Variants in NSD3 observed in about 807,000 individuals in gnomAD.
The protein encoded by NSD3 is histone-lysine N-methyltransferase NSD3.
NSD3 carries 24 observed loss-of-function variants against 160.8 expected under a neutral mutation model. The observed-to-expected ratio is 0.15, with a 90% CI of 0.11 to 0.21. The LOEUF is 0.21. Ranked by LOEUF, NSD3 falls within the 10% of genes least tolerant of loss-of-function variation. NSD3 has a pLI of 1.00. For missense variants in NSD3, 1,157 were observed against 1,735.9 expected (o/e 0.67, Z 5.93); for synonymous variants, 520 against 600.0 (o/e 0.87, Z 1.95).
chr8:38,350,744 T>C (rs1810671164), intron 1 of NSD3, among the ~76,000 whole-genome samples: 1 of 152,160 alleles, frequency 6.6e-6, no homozygotes, highest in Non-Finnish European at 1.5e-5. Context: ...ATATTCTTGG[T>C]TAGATCATTG....
At chr8:38,363,581 G>C (rs1811037215) in intron 1 of NSD3, among the ~76,000 whole-genome samples, 1 of 145,826 alleles carries the variant, frequency 6.9e-6, no homozygotes, top group South Asian at 2.2e-4. Flanking sequence ...GGCAGAGGTT[G>C]CCATGAGCTG....
At chr8:38,343,087 C>G (rs1810417998) in intron 2 of NSD3, among the ~76,000 whole-genome samples, 2 of 151,270 alleles carry the variant, frequency 1.3e-5, no homozygotes, top group Admixed American at 1.3e-4. Flanking sequence ...TTCCAGCTAC[C>G]TGGGGGGCTG....
intron 2 of NSD3, among the ~76,000 whole-genome samples, chr8:38,339,072 G>A (rs1331483538): frequency 1.3e-5 from 2 of 151,204 alleles, no homozygotes; most frequent in Non-Finnish European, 3.0e-5. Flanking sequence ...CCCAGGAGGC[G>A]GAGGTTGCAG....
At chr8:38,333,187 T>G (rs1365019273) in intron 4 of NSD3, among the ~76,000 whole-genome samples, 1 of 152,140 alleles carries the variant, frequency 6.6e-6, no homozygotes, top group Admixed American at 6.5e-5. Flanking sequence ...GAACAGATAA[T>G]CCCAAAGGAC....
At chr8:38,341,744 G>C (rs554371284) in intron 2 of NSD3, among the ~76,000 whole-genome samples, 1 of 151,972 alleles carries the variant, frequency 6.6e-6, no homozygotes, top group South Asian at 2.1e-4. Context: ...TTGAGCCTAG[G>C]AACTGAAGAA....
At position 38,317,520 on chromosome 8, in the gene NSD3, A is replaced by G; in HGVS notation, c.1855+1375T>C. ...ATGCTAGAAAAATGACAGACTGCCA[A>G]AGACAGCTGTCATGCTGTTCTCCAT... On this transcript the variant is annotated intron_variant, in intron 9 of 23. Coordinates refer to ENST00000317025, the MANE Select transcript of NSD3 (RefSeq NM_023034.2). The surrounding 1 kb of genome is among the most constrained non-coding windows in gnomAD (Gnocchi z 5.3). The G allele has an allele frequency of 9.4e-7, 1 of 1,060,016 alleles. No individual in the cohort carries two copies. The highest frequency in any genetic ancestry group is 1.1e-6 in the Non-Finnish European group (1 of 876,006). The allele number at this position is 1,060,016 out of a possible 1,614,324, so 65.7% of individuals were successfully genotyped here.
chr8:38,339,061 A>G (rs1810293565), intron 2 of NSD3, among the ~76,000 whole-genome samples: 1 of 149,248 alleles, frequency 6.7e-6, no homozygotes, highest in Non-Finnish European at 1.5e-5. Context: ...AATCACTTGA[A>G]CCCAGGAGGC....
chr8:38,278,320 C>G lies in NSD3; in HGVS notation c.3853G>C (p.Gly1285Arg), dbSNP rs1268014238. The G allele has an allele frequency of 6.2e-7, 1 of 1,613,892 alleles. No homozygotes were observed. The highest frequency in any genetic ancestry group is 2.2e-5 in the East Asian group (1 of 44,868). Residue 1285 changes from glycine to arginine, a missense_variant, in exon 22 of 24, where the codon GGA becomes CGA. Physicochemically the swap from Gly to Arg is moderately radical, Grantham distance 125. Transcript: ENST00000317025. ...CGADNCSGFL[G>R]VRPKSACAST... ...GCAAGACTGACCTTTGGCCGCACTC[C>G]TAGAAAACCACTGCAGTTATCTGCT...
chr8:38,295,708 A>T, intron 16 of NSD3, 88 bp downstream of exon 16: 2 of 1,279,222 alleles, frequency 1.6e-6, no homozygotes, highest in South Asian at 1.5e-5. Context: ...CTGTCTACCT[A>T]TCTATCTCCA....
chr8:38,284,827 GATTT>G (rs1300407475), intron 19 of NSD3, among the ~76,000 whole-genome samples: 1 of 152,178 alleles, frequency 6.6e-6, no homozygotes, highest in Non-Finnish European at 1.5e-5. Context: ...GCTTGATCAT[GATTT>G]ATTATGGTTT....
At chr8:38,330,951 GGTT>G (rs1296055241) in intron 5 of NSD3, among the ~76,000 whole-genome samples, 3 of 152,068 alleles carry the variant, frequency 2.0e-5, no homozygotes, top group Non-Finnish European at 4.4e-5. Context: ...ACCTCATACA[GGTT>G]GTTATGAATA....
At chr8:38,361,205 GCTGGTCTCAAACTC>G (rs1276740978) in intron 1 of NSD3, among the ~76,000 whole-genome samples, 1 of 151,800 alleles carries the variant, frequency 6.6e-6, no homozygotes, top group African/African-American at 2.4e-5. Flanking sequence ...TGTTGGCCAG[GCTGGTCTCAAACTC>G]CTGACTTCAA....
chr8:38,352,092 CTAT>C (rs1190148233), intron 1 of NSD3, among the ~76,000 whole-genome samples: 1 of 151,668 alleles, frequency 6.6e-6, no homozygotes, highest in Non-Finnish European at 1.5e-5. Flanking sequence ...TTAACAATGC[CTAT>C]TATTAATAGA....
intron 13 of NSD3, 40 bp from the exon 14 acceptor site, chr8:38,304,797 C>T (rs1809356842): frequency 6.5e-7 from 1 of 1,548,672 alleles, no homozygotes; most frequent in Non-Finnish European, 8.7e-7. Context: ...AATAAGGCAT[C>T]AGCGGGACAT....
intron 22 of NSD3, among the ~76,000 whole-genome samples, chr8:38,277,004 C>A (rs531646408): frequency 1.2e-3 from 182 of 152,188 alleles, no homozygotes; most frequent in Non-Finnish European, 2.3e-3. Flanking sequence ...TGCAGTGGGG[C>A]GATCTCATCT....
At position 38,347,905 on chromosome 8, in the gene NSD3, A is replaced by G. The variant is rs757215274; in HGVS notation, c.267T>C (p.Tyr89=). ...VYETQTKYQS[Y]NQYPNGSANG... is the part of the protein sequence containing the mutation. ...TGGCTGACCCATTAGGATACTGATT[A>G]TATGACTGGTATTTGGTTTGAGTTT... Residue 89 remains tyrosine (Y), a synonymous_variant, in exon 2 of 24, where the codon TAT becomes TAC. Coordinates refer to ENST00000317025, the MANE Select transcript of NSD3 (RefSeq NM_023034.2). 33 of 1,614,242 alleles carry G rather than the reference A, an allele frequency of 2.0e-5. No homozygotes were observed. Among genetic ancestry groups the G allele is most frequent in the Non-Finnish European group, 2.7e-5 (32 of 1,180,038 alleles).
chr8:38,338,984 TAAA>T (rs897984973), intron 2 of NSD3, among the ~76,000 whole-genome samples: 7 of 150,836 alleles, frequency 4.6e-5, no homozygotes, highest in African/African-American at 1.7e-4. Flanking sequence ...TACTAAAAAT[TAAA>T]AAAATAGCCG....
chr8:38,305,346 T>C lies in NSD3; in HGVS notation c.2342A>G (p.Lys781Arg), dbSNP rs1423667431. 2.5e-6 allele frequency: 4 copies of C among 1,614,024 alleles called. No homozygotes were observed. The African/African-American group carries it at 4.0e-5, about 16-fold the overall frequency. Reference sequence around the variant, plus strand: ...TGATTCAAAGATGGCAGTGGGGAATTTGCGGACACAGGCTTCATGATAAAA... The same window carrying C: ...TGATTCAAAGATGGCAGTGGGGAATCTGCGGACACAGGCTTCATGATAAAA... ...GKFYHEACVRKFPTAIFESKG... is the reference protein window; with the variant it reads ...GKFYHEACVRRFPTAIFESKG... Residue 781 changes from lysine (K) to arginine (R), a missense_variant, in exon 13 of 24, where the codon AAA becomes AGA. By Grantham distance (26) the Lys-to-Arg change is conservative. This residue lies in a region of NSD3 where 437 missense variants were observed against 576.6 expected (regional missense o/e 0.76). Transcript: ENST00000317025.
intron 4 of NSD3, among the ~76,000 whole-genome samples, chr8:38,334,777 A>C (rs1474940191): frequency 1.3e-5 from 2 of 151,994 alleles, no homozygotes; most frequent in African/African-American, 4.8e-5. Flanking sequence ...AACAAAAAAA[A>C]CAGGTGAATT....
Sources: gnomAD v4.1 joint callset for allele counts (sites outside exome capture counted in the v4.1 genomes callset) on GRCh38, gnomAD v4.1.1 for gene constraint, gnomAD v4.1.1 regional missense constraint, Gnocchi (gnomAD v3.1) non-coding constraint, MANE v1.5 for transcripts, NCBI Gene and HGNC (gene_info 2026-07-23, HGNC 2026-07-21) for gene names.